CDKL5: variants seen among roughly 807,000 people sequenced by gnomAD.
CDKL5 encodes cyclin dependent kinase like 5, also known as cyclin-dependent kinase-like 5.
Under a neutral mutation model 61.7 loss-of-function variants are expected in CDKL5, and 8 were observed. That is an observed-to-expected ratio of 0.13 (90% CI 0.08 to 0.23). The LOEUF (loss-of-function observed/expected upper bound fraction) is 0.23, where lower values mean the gene tolerates loss of function less well. Among genes scored for constraint, CDKL5 ranks in the 10% least tolerant of loss-of-function variants. The pLI is 1.00. For synonymous variants in CDKL5, 275 were observed against 272.3 expected (o/e 1.01, Z -0.10); for missense variants, 440 against 734.5 (o/e 0.60, Z 4.63).
chrX:18,441,444 C>G (rs1287205751), intron 1 of CDKL5, among the ~76,000 whole-genome samples: 2 of 110,910 alleles, frequency 1.8e-5, no homozygotes, highest in African/African-American at 6.6e-5. Flanking sequence ...AACGTTGTTA[C>G]TTGTGTGTAC....
chrX:18,603,579 T>A (rs1302490292), intron 11 of CDKL5, among the ~76,000 whole-genome samples: 2 of 112,524 alleles, frequency 1.8e-5, no homozygotes, highest in African/African-American at 6.4e-5. Flanking sequence ...AGTCATTCTA[T>A]CACAAACACT....
intron 1 of CDKL5, among the ~76,000 whole-genome samples, chrX:18,485,178 C>A (rs1433271005): frequency 1.8e-5 from 2 of 109,275 alleles, no homozygotes; most frequent in African/African-American, 6.7e-5. Context: ...TCATTTTAGA[C>A]TTTTCCATTT....
At chrX:18,428,430 G>A (rs370142099) in intron 1 of CDKL5, among the ~76,000 whole-genome samples, 3 of 112,151 alleles carry the variant, frequency 2.7e-5, no homozygotes, top group African/African-American at 9.7e-5. Flanking sequence ...CTCCCCTTCC[G>A]TTTTGATAAC....
chrX:18,527,787 A>G (rs1923497898), intron 3 of CDKL5, among the ~76,000 whole-genome samples: 1 of 111,354 alleles, frequency 9.0e-6, no homozygotes, highest in African/African-American at 3.3e-5. Flanking sequence ...TTCTTTCCTA[A>G]GGTAAAGCGT....
chrX:18,645,841 A>T (rs1927748839), intron 19 of CDKL5, among the ~76,000 whole-genome samples: 1 of 111,138 alleles, frequency 9.0e-6, no homozygotes, highest in Non-Finnish European at 1.9e-5. Context: ...GCAAATGGCC[A>T]TCTGGCTAAG....
chrX:18,631,740 A>T lies in CDKL5; in HGVS notation c.*2983A>T. 1 of 754,168 alleles carries T rather than the reference A, an allele frequency of 1.3e-6. No individual in the cohort carries two copies. Among genetic ancestry groups the T allele is most frequent in the Non-Finnish European group, 1.6e-6 (1 of 639,187 alleles). 62.2% of individuals were successfully genotyped at this position (754,168 alleles called of 1,213,427 possible). A position where few individuals can be genotyped will look rare whatever the true frequency, so the allele number is the denominator to read the frequency against. On this transcript the variant is annotated 3_prime_UTR_variant, in exon 18 of 18. Coordinates refer to ENST00000623535, the MANE Select transcript of CDKL5 (RefSeq NM_001323289.2). ...GTTTTTCTACCTTTATTTCTCTGCC[A>T]TCCTCGTTTTTCCTCTCTGAAGTTC... is the stretch of plus-strand genomic sequence containing the variant.
At chrX:18,538,942 A>G (rs995311083) in intron 3 of CDKL5, among the ~76,000 whole-genome samples, 1 of 112,006 alleles carries the variant, frequency 8.9e-6, no homozygotes, top group Non-Finnish European at 1.9e-5. Context: ...TGTTTATTTC[A>G]TCTTGGTTAA....
At chrX:18,526,174 C>A (rs1241527511) in intron 3 of CDKL5, among the ~76,000 whole-genome samples, 1 of 112,408 alleles carries the variant, frequency 8.9e-6, no homozygotes, top group Non-Finnish European at 1.9e-5. Context: ...TAGGTTTATA[C>A]CTTAGCACTA....
intron 12 of CDKL5, among the ~76,000 whole-genome samples, chrX:18,606,395 A>G (rs1191237491): frequency 8.9e-6 from 1 of 112,474 alleles, no homozygotes; most frequent in East Asian, 2.8e-4. Context: ...AGGTATGTTC[A>G]GGTACGTCCT....
In CDKL5 at chrX:18,604,110, G is replaced by A; in HGVS notation, c.1186G>A (p.Asp396Asn). 6 of 1,211,683 alleles carry A rather than the reference G, an allele frequency of 5.0e-6. No homozygotes were observed. The highest frequency in any genetic ancestry group is 6.7e-6 in the Non-Finnish European group (6 of 895,508). ...CAGCCAGCCTGGGTCTACCAGCAAA[G>A]ATCTCACCAACAACAACATACCACA... ...ASSQPGSTSKDLTNNNIPHLL... is the reference protein window; with the variant it reads ...ASSQPGSTSKNLTNNNIPHLL... Residue 396 changes from aspartate (D) to asparagine (N), a missense_variant, in exon 12 of 18, where the codon GAT (aspartate) becomes AAT (asparagine). Transcript: ENST00000623535.
chrX:18,426,055 GAGCTCCCC>G (rs1931358952), intron 1 of CDKL5: 1 of 112,395 alleles, frequency 8.9e-6, no homozygotes, highest in African/African-American at 3.2e-5. Flanking sequence ...CCCGCGGCAC[GAGCTCCCC>G]GGGGCTTGCG....
Position 18,632,024 on chromosome X carries a change from C to A in CDKL5, c.*3267C>A. 1.7e-6 allele frequency: 1 copy of A among 598,066 alleles called. No individual in the cohort carries two copies. Among genetic ancestry groups the A allele is most frequent in the Non-Finnish European group, 2.0e-6 (1 of 497,059 alleles). 49.3% of individuals were successfully genotyped at this position (598,066 alleles called of 1,213,427 possible). ...AGAGGCCACAGATGCTACTAAACAC[C>A]CTGCCATGCACAGGACAGCCCCCCA... On this transcript the variant is annotated 3_prime_UTR_variant, in exon 18 of 18. Coordinates refer to ENST00000623535, the MANE Select transcript of CDKL5 (RefSeq NM_001323289.2).
chrX:18,455,556 ATGAGGAGTTTGG>A (rs1932122684), intron 1 of CDKL5, among the ~76,000 whole-genome samples: 1 of 112,778 alleles, frequency 8.9e-6, no homozygotes, highest in African/African-American at 3.2e-5. Flanking sequence ...GAGGAGTTTG[ATGAGGAGTTTGG>A]TAACTGTTAG....
intron 3 of CDKL5, among the ~76,000 whole-genome samples, chrX:18,557,392 C>T (rs779200355): frequency 9.0e-6 from 1 of 111,601 alleles, no homozygotes; most frequent in East Asian, 2.8e-4. Flanking sequence ...AAATACTGTG[C>T]CATTTTATGT....
chrX:18,584,832 A>G, intron 8 of CDKL5, among the ~76,000 whole-genome samples: 2 of 112,248 alleles, frequency 1.8e-5, no homozygotes, highest in East Asian at 5.6e-4. Context: ...TGGCCAAAGC[A>G]TGTTACATGA....
At chrX:18,542,821 G>C (rs902199901) in intron 3 of CDKL5, among the ~76,000 whole-genome samples, 1 of 110,669 alleles carries the variant, frequency 9.0e-6, no homozygotes, top group African/African-American at 3.3e-5. Flanking sequence ...CTCCGCAAAA[G>C]CTCCACTTTT....
intron 1 of CDKL5, among the ~76,000 whole-genome samples, chrX:18,427,350 A>AG (rs1931390261): frequency 4.0e-5 from 2 of 50,043 alleles, no homozygotes; most frequent in Admixed American, 5.2e-4. Flanking sequence ...AGGGTGGTTG[A>AG]GGGGGGAAGG....
chrX:18,494,460 C>T (rs769290613), intron 1 of CDKL5, among the ~76,000 whole-genome samples: 14 of 110,463 alleles, frequency 1.3e-4, no homozygotes, highest in South Asian at 3.8e-4. Flanking sequence ...GTTTTTGCCA[C>T]GTTGGCCAGG....
At chrX:18,651,289 CAGAG>C (rs1928036370) in intron 21 of CDKL5, among the ~76,000 whole-genome samples, 2 of 76,608 alleles carry the variant, frequency 2.6e-5, no homozygotes, top group Admixed American at 2.8e-4. Context: ...GAGAGAGAGA[CAGAG>C]AGACACAGAG....
Sources: allele counts gnomAD v4.1 joint callset (sites outside exome capture counted in the v4.1 genomes callset), GRCh38; gene constraint gnomAD v4.1.1; transcripts MANE v1.5; gene names NCBI Gene and HGNC (gene_info 2026-07-23, HGNC 2026-07-21).